UBE2K: variants seen among roughly 807,000 people sequenced by gnomAD.
UBE2K encodes ubiquitin-conjugating enzyme E2 K.
Under a neutral mutation model 30.0 loss-of-function variants are expected in UBE2K, and 6 were observed. The ratio of observed to expected loss-of-function variants is 0.20; its 90% confidence interval spans 0.11 to 0.39. The LOEUF is 0.39. Ranked by LOEUF, UBE2K falls within the 10% of genes least tolerant of loss-of-function variation. The pLI is 1.00. For missense variants in UBE2K, 61 were observed against 241.6 expected (o/e 0.25, Z 4.96); for synonymous variants, 86 against 83.7 (o/e 1.03, Z -0.15).
At chr4:39,742,507 CG>C (rs1354235392) in intron 2 of UBE2K, among the ~76,000 whole-genome samples, 1 of 151,866 alleles carries the variant, frequency 6.6e-6, no homozygotes, top group Admixed American at 6.6e-5. Context: ...GAGGCTGAGG[CG>C]GGTAGATTAT....
intron 4 of UBE2K, among the ~76,000 whole-genome samples, chr4:39,768,611 G>C (rs1712514254): frequency 6.6e-6 from 1 of 152,070 alleles, no homozygotes; most frequent in Non-Finnish European, 1.5e-5. Flanking sequence ...CAAACCCCTG[G>C]GTTCAAGCGA....
chr4:39,702,513 C>G lies in UBE2K; in HGVS notation c.63+4123C>G, dbSNP rs140913132. Among the ~76,000 whole-genome samples, 1,102 of 152,096 alleles carry G rather than the reference C, an allele frequency of 7.2e-3. 6 individuals carry two copies. Among genetic ancestry groups the G allele is most frequent in the Non-Finnish European group, 0.012 (815 of 67,974 alleles). On this transcript the variant is annotated intron_variant, in intron 1 of 6. Coordinates refer to ENST00000261427, the MANE Select transcript of UBE2K (RefSeq NM_005339.5). Reference sequence around the variant, plus strand: ...AGGTGATCCACCCGCCTCGACTTCCCAAATTGCTGGGATTACAGGAGTGAG... The same window carrying G: ...AGGTGATCCACCCGCCTCGACTTCCGAAATTGCTGGGATTACAGGAGTGAG...
At chr4:39,733,449 C>T (rs1720190618) in intron 1 of UBE2K, among the ~76,000 whole-genome samples, 1 of 151,646 alleles carries the variant, frequency 6.6e-6, no homozygotes, top group Non-Finnish European at 1.5e-5. Flanking sequence ...TCTTCTGCCT[C>T]AGTCTCCCGA....
intron 2 of UBE2K, among the ~76,000 whole-genome samples, chr4:39,742,300 C>A (rs1311466778): frequency 2.0e-5 from 3 of 151,770 alleles, no homozygotes; most frequent in African/African-American, 7.3e-5. Context: ...GTTATTGTCA[C>A]AAAATTTCTT....
At chr4:39,737,624 G>T in intron 2 of UBE2K, 111 bp downstream of exon 2, 1 of 678,176 alleles carries the variant, frequency 1.5e-6, no homozygotes. Flanking sequence ...ACTTCATTTG[G>T]TTTAGATAAA....
At chr4:39,735,572 A>G (rs199576636) in intron 1 of UBE2K, among the ~76,000 whole-genome samples, 28 of 152,172 alleles carry the variant, frequency 1.8e-4, no homozygotes, top group Non-Finnish European at 3.4e-4. Context: ...TAGTAGAGAC[A>G]GGGTTTCACC....
At chr4:39,756,601 T>TA (rs571644083) in intron 4 of UBE2K, among the ~76,000 whole-genome samples, 70 of 152,006 alleles carry the variant, frequency 4.6e-4, no homozygotes, top group African/African-American at 1.7e-3. Context: ...TACAGGCGCA[T>TA]ACCACCACAC....
intron 4 of UBE2K, chr4:39,770,978 G>T: frequency 1.2e-6 from 2 of 1,602,430 alleles, no homozygotes; most frequent in Non-Finnish European, 1.7e-6. Flanking sequence ...GCTGGAGGGA[G>T]GAGGGACTTG....
chr4:39,771,474 G>A, intron 4 of UBE2K: 3 of 1,519,964 alleles, frequency 2.0e-6, no homozygotes, highest in Non-Finnish European at 2.6e-6. Flanking sequence ...GGTTCCGCGC[G>A]CTGTTTTTTT....
chr4:39,713,286 A>ATTTTTTTTTTTTTTTTTT lies in UBE2K; in HGVS notation c.63+14912_63+14913insTTTTTTTTTTTTTTTTTT, dbSNP rs56104487. 5.0e-4 allele frequency among the ~76,000 whole-genome samples: 42 copies of ATTTTTTTTTTTTTTTTTT among 83,560 alleles called. 1 individual carries two copies. Among genetic ancestry groups the ATTTTTTTTTTTTTTTTTT allele is most frequent in the African/African-American group, 6.5e-4 (12 of 18,572 alleles). 54.8% of individuals were successfully genotyped at this position (83,560 alleles called of 152,430 possible). ...TAGTTTTCTCCTTCTTCTGTAGGAA[A>ATTTTTTTTTTTTTTTTTT]TTTTTTTTTTTTTTTTGAGACAGTT... On this transcript the variant is annotated intron_variant, in intron 1 of 6. Transcript: ENST00000261427.
chr4:39,743,054 A>G (rs1002434798), intron 2 of UBE2K, among the ~76,000 whole-genome samples: 3 of 151,994 alleles, frequency 2.0e-5, no homozygotes, highest in African/African-American at 7.2e-5. Context: ...AGGAAAAAAA[A>G]AAAAAGAGAA....
chr4:39,761,791 TTTAGA>T (rs1711963258), intron 4 of UBE2K, among the ~76,000 whole-genome samples: 1 of 152,174 alleles, frequency 6.6e-6, no homozygotes, highest in South Asian at 2.1e-4. Context: ...CATTACTGAA[TTTAGA>T]TTAGAGCAGT....
intron 1 of UBE2K, among the ~76,000 whole-genome samples, chr4:39,719,501 G>A (rs539216463): frequency 1.3e-5 from 2 of 152,272 alleles, no homozygotes; most frequent in Non-Finnish European, 2.9e-5. Flanking sequence ...ATCTAATTTT[G>A]AGGAGCTGCT....
intron 1 of UBE2K, among the ~76,000 whole-genome samples, chr4:39,730,569 A>T (rs893476320): frequency 2.6e-5 from 4 of 151,842 alleles, no homozygotes; most frequent in African/African-American, 7.3e-5. Flanking sequence ...GGAGTTCAAG[A>T]CCAGCCTGGC....
In UBE2K at chr4:39,755,758, A is replaced by G. The variant is rs952297832; in HGVS notation, c.299+19A>G. 6.4e-7 allele frequency: 1 copy of G among 1,551,876 alleles called. No individual in the cohort carries two copies. The highest frequency in any genetic ancestry group is 8.8e-7 in the Non-Finnish European group (1 of 1,137,194). ...ATCAATGGTAAGAGATTTTGAATTC[A>G]CCTTCTCTCCTTCTCATATGAATAC... is the stretch of plus-strand genomic sequence containing the variant. On this transcript the variant is annotated intron_variant, in intron 4 of 6. Transcript: ENST00000261427.
chr4:39,733,609 A>G (rs1446294994), intron 1 of UBE2K, among the ~76,000 whole-genome samples: 1 of 152,160 alleles, frequency 6.6e-6, no homozygotes, highest in African/African-American at 2.4e-5. Flanking sequence ...TTGGGATTAC[A>G]GTCGTGAGCC....
chr4:39,704,869 C>CTTTT (rs35972302), intron 1 of UBE2K, among the ~76,000 whole-genome samples: 25 of 121,316 alleles, frequency 2.1e-4, no homozygotes, highest in African/African-American at 6.2e-4. Flanking sequence ...GACTATACAC[C>CTTTT]TTTTTTTTTT....
intron 1 of UBE2K, among the ~76,000 whole-genome samples, chr4:39,733,094 G>A (rs1460745871): frequency 6.8e-6 from 1 of 148,032 alleles, no homozygotes; most frequent in Non-Finnish European, 1.5e-5. Context: ...GTCCCGCTAT[G>A]TGTTTAGCTG....
intron 1 of UBE2K, among the ~76,000 whole-genome samples, chr4:39,710,635 A>C: frequency 6.6e-6 from 1 of 152,094 alleles, no homozygotes; most frequent in Non-Finnish European, 1.5e-5. Flanking sequence ...CAGATCCAAC[A>C]GTTGCAGCTG....
Sources: allele counts gnomAD v4.1 joint callset (sites outside exome capture counted in the v4.1 genomes callset), GRCh38; gene constraint gnomAD v4.1.1; transcripts MANE v1.5; gene names NCBI Gene and HGNC (gene_info 2026-07-23, HGNC 2026-07-21).